The following RIPOR2 variants were observed in gnomAD, a reference collection of about 807,000 sequenced individuals.
RIPOR2 encodes rho family-interacting cell polarization regulator 2.
RIPOR2 carries 39 observed loss-of-function variants against 114.5 expected under a neutral mutation model. The observed-to-expected ratio is 0.34, with a 90% confidence interval of 0.26 to 0.44. The LOEUF is 0.44. RIPOR2 is among the 20% of genes least tolerant of loss of function. The pLI is 1.00. For synonymous variants in RIPOR2, 445 were observed against 484.4 expected, an observed-to-expected ratio of 0.92 and a Z score of 1.07; for missense variants, 1,007 against 1,255.1, an observed-to-expected ratio of 0.80 and a Z score of 2.99.
At chr6:24,968,508 G>A (rs1374390542) in intron 1 of RIPOR2, among the ~76,000 whole-genome samples, 1 of 152,142 alleles carries the variant, frequency 6.6e-6, no homozygotes, top group Non-Finnish European at 1.5e-5. Context: ...CCACTAACCA[G>A]CGGTTCTTAG....
Position 24,883,497 on chromosome 6 carries a change from G to T in RIPOR2, c.62-7680C>A, listed in dbSNP as rs968919196. On this transcript the variant is annotated intron_variant, in intron 1 of 21. Transcript: ENST00000643898. The surrounding 1 kb of genome is among the most constrained non-coding windows in gnomAD (Gnocchi z 4.1). The stretch of plus-strand genomic sequence containing the variant: ...AGGCAAGGAAGCAGAGAGAGGTTTT[G>T]GGGGTGGTGGAAGTGTTCTAAAAGC... 5.3e-5 allele frequency among the ~76,000 whole-genome samples: 8 copies of T among 152,196 alleles called. No individual in the cohort carries two copies. The highest frequency in any genetic ancestry group is 1.4e-4 in the African/African-American group (6 of 41,448).
rs747099565 is a variant in RIPOR2 at position 24,875,676 on chromosome 6, C to T, written c.188+15G>A. On this transcript the variant is annotated intron_variant, in intron 2 of 21. Coordinates refer to ENST00000643898, the MANE Select transcript of RIPOR2 (RefSeq NM_001286445.3). ...TGGCAAGCTGCATCCCGGGAGAGAACCACACAGTACTTGCCTGGATCGCCT... is the reference window on the plus strand; with the variant it reads ...TGGCAAGCTGCATCCCGGGAGAGAATCACACAGTACTTGCCTGGATCGCCT... 1.2e-5 allele frequency: 19 copies of T among 1,609,112 alleles called. No individual in the cohort carries two copies. In the Admixed American group the frequency reaches 2.9e-4, roughly 24 times the overall value.
rs869301317 is a variant in RIPOR2 at position 25,015,896 on chromosome 6, G to GTTTTTTTTTTTTTTT, written c.76+25940_76+25954dup. ...TCCCCTTAAAAACGCAGGTTTTTTG[G>GTTTTTTTTTTTTTTT]TTTTTTTTTTTTTTTTTTTTTTTTT... On this transcript the variant is annotated intron_variant, in intron 1 of 13. Transcript: ENST00000510784. 1.1e-3 allele frequency: 49 copies of GTTTTTTTTTTTTTTT among 45,866 alleles called. 16 individuals carry two copies. The highest frequency in any genetic ancestry group is 2.9e-3 in the African/African-American group (41 of 14,098). 2.8% of individuals were successfully genotyped at this position (45,866 alleles called of 1,614,324 possible).
intron 12 of RIPOR2, 118 bp from the exon 13 acceptor site, chr6:24,843,672 A>G (rs2113737198): frequency 1.4e-6 from 1 of 691,412 alleles, no homozygotes; most frequent in Non-Finnish European, 2.3e-6. Context: ...GAACTTTCAG[A>G]ATGTTAGCAT....
At chr6:24,991,340 A>C (rs72841003) in intron 1 of RIPOR2, among the ~76,000 whole-genome samples, 1 of 152,274 alleles carries the variant, frequency 6.6e-6, no homozygotes, top group Non-Finnish European at 1.5e-5. Flanking sequence ...TGTATTTTAA[A>C]TTGTTTTAAT....
intron 1 of RIPOR2, among the ~76,000 whole-genome samples, chr6:24,964,663 C>T (rs1561812208): frequency 6.6e-6 from 1 of 152,170 alleles, no homozygotes; most frequent in Non-Finnish European, 1.5e-5. Flanking sequence ...CTGAGGAGTG[C>T]TGATGTACCA....
chr6:24,992,195 T>C (rs1365995328), intron 1 of RIPOR2, among the ~76,000 whole-genome samples: 1 of 152,094 alleles, frequency 6.6e-6, no homozygotes, highest in Non-Finnish European at 1.5e-5. Flanking sequence ...TAGGAGGAGA[T>C]CCTTCCTTTG....
At chr6:24,990,953 G>A (rs1774783338) in intron 1 of RIPOR2, among the ~76,000 whole-genome samples, 1 of 152,196 alleles carries the variant, frequency 6.6e-6, no homozygotes, top group South Asian at 2.1e-4. Context: ...CGCACTCAAT[G>A]TTCATAACAC....
upstream of RIPOR2, among the ~76,000 whole-genome samples, chr6:24,936,239 G>T (rs369594531): frequency 1.7e-4 from 26 of 152,318 alleles, no homozygotes; most frequent in East Asian, 3.1e-3. Context: ...AGAGGAAGGT[G>T]GGTGCTTAAC....
chr6:24,937,205 T>G (rs1771860469), upstream of RIPOR2, among the ~76,000 whole-genome samples: 1 of 152,106 alleles, frequency 6.6e-6, no homozygotes, highest in African/African-American at 2.4e-5. Flanking sequence ...GATCACCAAT[T>G]GTTGTCAATC....
At chr6:24,956,888 T>C (rs1773064680) in intron 1 of RIPOR2, among the ~76,000 whole-genome samples, 1 of 152,254 alleles carries the variant, frequency 6.6e-6, no homozygotes, top group African/African-American at 2.4e-5. Flanking sequence ...AGAATTACTT[T>C]TGTTTTTGCT....
At chr6:24,964,978 G>A (rs978932389) in intron 1 of RIPOR2, among the ~76,000 whole-genome samples, 1 of 151,700 alleles carries the variant, frequency 6.6e-6, no homozygotes, top group Admixed American at 6.6e-5. Flanking sequence ...TTTTTGAATT[G>A]GGTTTTTACG....
At chr6:24,985,248 C>T (rs2894032) in intron 1 of RIPOR2, among the ~76,000 whole-genome samples, 55,425 of 151,950 alleles carry the variant, frequency 0.36, 10,267 homozygotes, top group South Asian at 0.4. Flanking sequence ...GGGCCAGTTA[C>T]TGCTTGGAGT....
intron 1 of RIPOR2, among the ~76,000 whole-genome samples, chr6:25,019,156 AT>A (rs1390734660): frequency 6.6e-6 from 1 of 152,216 alleles, no homozygotes; most frequent in Non-Finnish European, 1.5e-5. Flanking sequence ...AGATTTTTAT[AT>A]TTGATGTATT....
chr6:24,900,340 C>G (rs1232628040), intron 1 of RIPOR2, among the ~76,000 whole-genome samples: 1 of 152,156 alleles, frequency 6.6e-6, no homozygotes, highest in Non-Finnish European at 1.5e-5. Context: ...GAGTAATTAC[C>G]TCAGGGTGTT....
At chr6:24,909,295 A>G (rs76416361) in intron 1 of RIPOR2, among the ~76,000 whole-genome samples, 5,122 of 152,168 alleles carry the variant, frequency 0.034, 102 homozygotes, top group African/African-American at 0.051. Context: ...AAGGATAACT[A>G]CTGATGCTTC....
At position 24,848,144 on chromosome 6, in the gene RIPOR2, C is replaced by G; in HGVS notation, c.1045G>C (p.Val349Leu). 2 of 1,613,334 alleles carry G rather than the reference C, an allele frequency of 1.2e-6. No individual in the cohort carries two copies. Among genetic ancestry groups the G allele is most frequent in the Non-Finnish European group, 1.7e-6 (2 of 1,179,648 alleles). ...CCTGAGGATGCGGTCATGTCCTCCA[C>G]GTCAAATGGACTGCAAAACAACAGG... ...NLEITWYPFDVEDMTASSGAG... is the reference protein window; with the variant it reads ...NLEITWYPFDLEDMTASSGAG... The change falls in exon 12 of 22, where the codon GTG (valine) becomes CTG (leucine). Residue 349 changes from valine to leucine, a missense_variant. Coordinates refer to ENST00000643898, the MANE Select transcript of RIPOR2 (RefSeq NM_001286445.3).
intron 1 of RIPOR2, among the ~76,000 whole-genome samples, chr6:24,982,799 A>G (rs1384102838): frequency 1.3e-5 from 2 of 152,186 alleles, no homozygotes; most frequent in Non-Finnish European, 2.9e-5. Context: ...AGGTATGCAA[A>G]ATTTACCTGG....
intron 1 of RIPOR2, among the ~76,000 whole-genome samples, chr6:24,958,052 A>G (rs774085581): frequency 2.0e-5 from 3 of 152,176 alleles, no homozygotes; most frequent in African/African-American, 4.8e-5. Context: ...TAACTTAAGG[A>G]TATAATCTAA....
Sources: allele counts gnomAD v4.1 joint callset (sites outside exome capture counted in the v4.1 genomes callset), GRCh38; gene constraint gnomAD v4.1.1; non-coding constraint Gnocchi (gnomAD v3.1); transcripts MANE v1.5; gene names NCBI Gene and HGNC (gene_info 2026-07-23, HGNC 2026-07-21).